Variants in G3BP1 observed in about 807,000 individuals in gnomAD.
G3BP1 encodes ras GTPase-activating protein-binding protein 1.
In G3BP1, 35 loss-of-function variants were observed where a neutral mutation model predicts 58.6. That is an observed-to-expected ratio of 0.60 (90% CI 0.46 to 0.79). The LOEUF (loss-of-function observed/expected upper bound fraction) is 0.79. Among genes scored for constraint, G3BP1 ranks in the 30% least tolerant of loss-of-function variants. The pLI is 0.00. For missense variants in G3BP1, 523 were observed against 580.8 expected (o/e 0.90, Z 1.02); for synonymous variants, 191 against 195.4 (o/e 0.98, Z 0.19).
chr5:151,790,862 T>G (rs757391016), intron 3 of G3BP1, 27 bp from the exon 4 acceptor site: 42 of 1,085,320 alleles, frequency 3.9e-5, no homozygotes, highest in African/African-American at 3.0e-4. Context: ...CTCAGTTGAT[T>G]ATTATTATTA....
At chr5:151,779,764 A>G (rs970900622) in intron 1 of G3BP1, among the ~76,000 whole-genome samples, 1 of 152,218 alleles carries the variant, frequency 6.6e-6, no homozygotes, top group African/African-American at 2.4e-5. Context: ...GTTGTTTTCA[A>G]TCTTAAAAGT....
chr5:151,795,265 G>A (rs999933103), intron 5 of G3BP1, among the ~76,000 whole-genome samples: 2 of 152,128 alleles, frequency 1.3e-5, no homozygotes, highest in Admixed American at 6.5e-5. Flanking sequence ...GCGAGAGAGC[G>A]AGACTCCGTC....
At chr5:151,784,083 A>G (rs1762517698) in intron 1 of G3BP1, among the ~76,000 whole-genome samples, 4 of 151,962 alleles carry the variant, frequency 2.6e-5, no homozygotes, top group Admixed American at 2.6e-4. Flanking sequence ...ATTTATTTAT[A>G]TTTATATTTA....
At chr5:151,789,772 A>G (rs1762615807) in intron 2 of G3BP1, among the ~76,000 whole-genome samples, 2 of 152,194 alleles carry the variant, frequency 1.3e-5, no homozygotes, top group Non-Finnish European at 2.9e-5. Flanking sequence ...TCCCAACAGT[A>G]TCATCCTACA....
rs780250995 is a variant in G3BP1, at chr5:151,779,780, CAT to C, written c.-49-6789_-49-6788del. 2.0e-4 allele frequency among the ~76,000 whole-genome samples: 30 copies of C among 152,222 alleles called. 1 individual carries two copies. ...TTGTTTTCAATCTTAAAAGTGCTCT[CAT>C]ATGGTTGTCTTAGGTATAGAAGTTT... On this transcript the variant is annotated intron_variant, in intron 1 of 11. Coordinates refer to ENST00000356245, the MANE Select transcript of G3BP1 (RefSeq NM_005754.3).
At chr5:151,797,971 C>A (rs1762785770) in intron 7 of G3BP1, among the ~76,000 whole-genome samples, 2 of 143,978 alleles carry the variant, frequency 1.4e-5, no homozygotes, top group African/African-American at 4.8e-5. Context: ...ATCGTTGAAA[C>A]CTTTGCATTT....
Position 151,800,725 on chromosome 5 carries a change from C to T in G3BP1, c.1085-35C>T, listed in dbSNP as rs751022249. The T allele has an allele frequency of 1.6e-5, 20 of 1,227,878 alleles. No individual in the cohort carries two copies. The Middle Eastern group carries it at 9.4e-4, about 58-fold the overall frequency. The allele number at this position is 1,227,878 out of a possible 1,614,324, so 76.1% of individuals were successfully genotyped here. A position where few individuals can be genotyped will look rare whatever the true frequency, so the allele number is the denominator to read the frequency against. The stretch of plus-strand genomic sequence containing the variant: ...ACATGTAATGTTTAAAGATAATGGT[C>T]TAAGTAGTTATCTGAGAATGTGTTT... On this transcript the variant is annotated intron_variant, in intron 10 of 11. Coordinates refer to ENST00000356245, the MANE Select transcript of G3BP1 (RefSeq NM_005754.3).
Position 151,771,971 on chromosome 5 carries a change from T to G in G3BP1, c.-115T>G, listed in dbSNP as rs1380642895. On this transcript the variant is annotated 5_prime_UTR_variant, in exon 1 of 12. Coordinates refer to ENST00000356245, the MANE Select transcript of G3BP1 (RefSeq NM_005754.3). ...ACGCGTGTGTGCGGACGCAGTTGCG[T>G]GAGGGGTTTGTACTATCCTCGGTGC... 1 of 152,408 alleles carries G rather than the reference T, an allele frequency of 6.6e-6. No individual in the cohort carries two copies. The highest frequency in any genetic ancestry group is 6.5e-5 in the Admixed American group (1 of 15,284). The allele number at this position is 152,408 out of a possible 1,614,324, so 9.4% of individuals were successfully genotyped here. A position where few individuals can be genotyped will look rare whatever the true frequency, so the allele number is the denominator to read the frequency against.
chr5:151,803,359 C>T (rs959988406), intron 11 of G3BP1, among the ~76,000 whole-genome samples: 1 of 152,012 alleles, frequency 6.6e-6, no homozygotes, highest in Non-Finnish European at 1.5e-5. Flanking sequence ...TGCAGTGGCA[C>T]GACCTTGGCT....
rs938314303 is a variant in G3BP1 at position 151,810,432 on chromosome 5, T to C, written c.*6341T>C. ...GTTTTGGGGCTGATCTGTCCAGAAT[T>C]TGGAGTGAGGAACAAATCCATTCTC... is the stretch of plus-strand genomic sequence containing the variant. On this transcript the variant is annotated 3_prime_UTR_variant, in exon 12 of 12. Coordinates refer to ENST00000356245, the MANE Select transcript of G3BP1 (RefSeq NM_005754.3). The C allele has an allele frequency of 6.6e-6, 1 of 152,250 alleles. No homozygotes were observed. Among genetic ancestry groups the C allele is most frequent in the Non-Finnish European group, 1.5e-5 (1 of 68,044 alleles). 9.4% of individuals were successfully genotyped at this position (152,250 alleles called of 1,614,324 possible). A position where few individuals can be genotyped will look rare whatever the true frequency, so the allele number is the denominator to read the frequency against.
In G3BP1 at chr5:151,791,032, A is replaced by T; in HGVS notation, c.321A>T (p.Arg107Ser). 1.9e-6 allele frequency: 3 copies of T among 1,613,884 alleles called. No homozygotes were observed. Among genetic ancestry groups the T allele is most frequent in the Non-Finnish European group, 2.5e-6 (3 of 1,179,828 alleles). ...LLSNNNQALR[R>S]FMQTFVLAPE... ...CTAACAACAACCAGGCTTTGAGGAGATTCATGCAAACGTTTGTCCTTGCTC... is the reference window on the plus strand; with the variant it reads ...CTAACAACAACCAGGCTTTGAGGAGTTTCATGCAAACGTTTGTCCTTGCTC... The change falls in exon 4 of 12, where the codon AGA (arginine) becomes AGT (serine). Residue 107 changes from arginine (R) to serine (S), a missense_variant. Around this residue, in one of 2 missense-constraint regions of G3BP1, gnomAD observed 398 missense variants for 399.1 expected, o/e 1.00. Transcript: ENST00000356245.
At chr5:151,800,667 C>T in intron 10 of G3BP1, 93 bp from the exon 11 acceptor site, 1 of 791,816 alleles carries the variant, frequency 1.3e-6, no homozygotes, top group Non-Finnish European at 2.3e-6. Flanking sequence ...TCAGTAGTCA[C>T]ATGCATCTAG....
chr5:151,791,829 G>A (rs1391296253), intron 4 of G3BP1: 2 of 293,486 alleles, frequency 6.8e-6, no homozygotes, highest in Non-Finnish European at 1.3e-5. Context: ...GCTGATTTTA[G>A]TATTTTTAGT....
At chr5:151,795,223 C>T (rs942644779) in intron 5 of G3BP1, among the ~76,000 whole-genome samples, 11 of 152,144 alleles carry the variant, frequency 7.2e-5, no homozygotes, top group African/African-American at 2.4e-4. Flanking sequence ...TTTCAATGAG[C>T]CGAGATCGCG....
chr5:151,812,141 A>G lies in G3BP1; in HGVS notation c.*8050A>G, dbSNP rs550182125. 4 of 152,234 alleles carry G rather than the reference A, an allele frequency of 2.6e-5. No homozygotes were observed. Among genetic ancestry groups the G allele is most frequent in the Admixed American group, 1.3e-4 (2 of 15,280 alleles). 9.4% of individuals were successfully genotyped at this position (152,234 alleles called of 1,614,324 possible). ...GCTAAGCACATTTTCTACATCCCCA[A>G]AGTATTTGGAATCACAGCATTGTAA... is the stretch of plus-strand genomic sequence containing the variant. On this transcript the variant is annotated 3_prime_UTR_variant, in exon 12 of 12. Transcript: ENST00000356245.
chr5:151,772,206 G>A (rs1161753350), intron 1 of G3BP1, 170 bp downstream of exon 1: 1 of 147,798 alleles, frequency 6.8e-6, no homozygotes, highest in Non-Finnish European at 1.5e-5. Flanking sequence ...ACGGGCGCGC[G>A]GCGGCTCCTC....
rs751791714 is a variant in G3BP1 at position 151,809,275 on chromosome 5, T to C, written c.*5184T>C. ...TCTCCTAAATTTTAAAATTTTGTTA[T>C]GAAGATTGGATGTACACTGATTTGG... On this transcript the variant is annotated 3_prime_UTR_variant, in exon 12 of 12. Coordinates refer to ENST00000356245, the MANE Select transcript of G3BP1 (RefSeq NM_005754.3). 2.0e-4 allele frequency: 31 copies of C among 152,192 alleles called. No homozygotes were observed. Among genetic ancestry groups the C allele is most frequent in the Non-Finnish European group, 3.2e-4 (22 of 68,020 alleles). The allele number at this position is 152,192 out of a possible 1,614,324, so 9.4% of individuals were successfully genotyped here.
chr5:151,786,836 A>G (rs759068362), intron 2 of G3BP1, 121 bp downstream of exon 2: 43 of 657,310 alleles, frequency 6.5e-5, no homozygotes, highest in African/African-American at 1.1e-4. Context: ...TTATTTACAT[A>G]TAAATATCCC....
rs76469960 is a variant in G3BP1, at chr5:151,805,389, G to A, written c.*1298G>A. 6.5e-6 allele frequency: 1 copy of A among 152,688 alleles called. No homozygotes were observed. Among genetic ancestry groups the A allele is most frequent in the African/African-American group, 2.4e-5 (1 of 41,530 alleles). The allele number at this position is 152,688 out of a possible 1,614,324, so 9.5% of individuals were successfully genotyped here. ...ATAGACTAATACTCGTTTCACATAT[G>A]TGTTATTTGTTGAGTGCTGTGTGTG... On this transcript the variant is annotated 3_prime_UTR_variant, in exon 12 of 12. Coordinates refer to ENST00000356245, the MANE Select transcript of G3BP1 (RefSeq NM_005754.3).
Sources: gnomAD v4.1 joint callset for allele counts (sites outside exome capture counted in the v4.1 genomes callset) on GRCh38, gnomAD v4.1.1 for gene constraint, gnomAD v4.1.1 regional missense constraint, MANE v1.5 for transcripts, NCBI Gene and HGNC (gene_info 2026-07-23, HGNC 2026-07-21) for gene names.